QTMAN: variants seen among roughly 807,000 people sequenced by gnomAD.
The protein encoded by QTMAN is tRNA-queuosine alpha-mannosyltransferase.
At chr2:144,133,197 ATATATATT>A in the QTMAN span, among the ~76,000 whole-genome samples, 103 of 78,450 alleles carry the variant, frequency 1.3e-3, 1 homozygote, top group African/African-American at 6.0e-3. Context: ...AAATTTATAT[ATATATATT>A]TATATATACA....
At chr2:144,307,159 T>TAAAAAAAAAAAAA in the QTMAN span, among the ~76,000 whole-genome samples, 1 of 40,466 alleles carries the variant, frequency 2.5e-5, no homozygotes, top group Non-Finnish European at 4.0e-5. Flanking sequence ...GACTCCGTCT[T>TAAAAAAAAAAAAA]AAAAAAAAAA....
At chr2:144,156,758 T>C in the QTMAN span, among the ~76,000 whole-genome samples, 6 of 152,214 alleles carry the variant, frequency 3.9e-5, no homozygotes, top group South Asian at 8.3e-4. Context: ...TATTAGATTA[T>C]CTAAAATGAA....
At chr2:144,105,297 A>G in the QTMAN span, among the ~76,000 whole-genome samples, 5 of 152,220 alleles carry the variant, frequency 3.3e-5, no homozygotes, top group Non-Finnish European at 5.9e-5. Flanking sequence ...TCAGATGATC[A>G]AACTTCTCCG....
chr2:144,051,937 T>C, the QTMAN span, among the ~76,000 whole-genome samples: 1 of 152,228 alleles, frequency 6.6e-6, no homozygotes, highest in Admixed American at 6.5e-5. Flanking sequence ...TCTCTTACAT[T>C]GCTTTATTTT....
At chr2:144,057,459 T>A in the QTMAN span, among the ~76,000 whole-genome samples, 9 of 152,306 alleles carry the variant, frequency 5.9e-5, no homozygotes, top group African/African-American at 1.9e-4. Flanking sequence ...CAGTCTCTTA[T>A]GGGTACCAAT....
chr2:144,134,932 A>T, the QTMAN span, among the ~76,000 whole-genome samples: 1 of 152,130 alleles, frequency 6.6e-6, no homozygotes, highest in African/African-American at 2.4e-5. Flanking sequence ...AACTTTTTCC[A>T]TAATGGGACA....
the QTMAN span, chr2:143,939,000 G>T: frequency 6.6e-6 from 1 of 152,234 alleles, no homozygotes; most frequent in Non-Finnish European, 1.5e-5. Flanking sequence ...TTCCAGGGAA[G>T]TAGATTAGCA....
chr2:144,099,649 C>T, the QTMAN span, among the ~76,000 whole-genome samples: 1 of 152,300 alleles, frequency 6.6e-6, no homozygotes, highest in South Asian at 2.1e-4. Flanking sequence ...TCCATGTATC[C>T]TGTACCTTGA....
At chr2:144,115,163 G>A in the QTMAN span, among the ~76,000 whole-genome samples, 5 of 151,260 alleles carry the variant, frequency 3.3e-5, no homozygotes, top group South Asian at 2.1e-4. Flanking sequence ...CCCAGGAGGC[G>A]GAGGTTGCAG....
At chr2:144,172,133 T>TA in the QTMAN span, among the ~76,000 whole-genome samples, 5 of 152,036 alleles carry the variant, frequency 3.3e-5, no homozygotes, top group Non-Finnish European at 5.9e-5. Flanking sequence ...CATAGCAAAA[T>TA]AAAAATATTT....
chr2:144,075,031 T>C, the QTMAN span, among the ~76,000 whole-genome samples: 1 of 152,210 alleles, frequency 6.6e-6, no homozygotes, highest in African/African-American at 2.4e-5. Context: ...GCAATTAACT[T>C]TTGAGGAGGT....
At chr2:143,992,568 A>T in the QTMAN span, among the ~76,000 whole-genome samples, 2 of 151,982 alleles carry the variant, frequency 1.3e-5, no homozygotes, top group African/African-American at 4.8e-5. Context: ...AAATAAAATA[A>T]ATAACTTCTC....
chr2:144,011,571 C>T, the QTMAN span: 12 of 964,154 alleles, frequency 1.2e-5, no homozygotes, highest in South Asian at 4.8e-5. Flanking sequence ...CCATCCAGAA[C>T]ATTCTTAATC....
At chr2:144,299,879 C>G in the QTMAN span, among the ~76,000 whole-genome samples, 2 of 151,970 alleles carry the variant, frequency 1.3e-5, no homozygotes, top group African/African-American at 4.8e-5. Context: ...CATCAGTGGA[C>G]GAATGGAGAA....
chr2:144,019,864 A>C, the QTMAN span, among the ~76,000 whole-genome samples: 1 of 152,208 alleles, frequency 6.6e-6, no homozygotes, highest in African/African-American at 2.4e-5. Flanking sequence ...CTTTCTCTGG[A>C]AACTAACTAA....
At chr2:143,961,334 C>T in the QTMAN span, among the ~76,000 whole-genome samples, 1 of 152,092 alleles carries the variant, frequency 6.6e-6, no homozygotes, top group African/African-American at 2.4e-5. Flanking sequence ...TTATTTTGAC[C>T]ATACCACACT....
the QTMAN span, among the ~76,000 whole-genome samples, chr2:144,100,137 A>T: frequency 6.6e-6 from 1 of 152,226 alleles, no homozygotes; most frequent in Non-Finnish European, 1.5e-5. Context: ...TCATGATCAC[A>T]TAATAACTGG....
chr2:144,105,874 A>G, the QTMAN span, among the ~76,000 whole-genome samples: 1 of 152,220 alleles, frequency 6.6e-6, no homozygotes, highest in Non-Finnish European at 1.5e-5. Context: ...GTTAACCACA[A>G]AGGGAAGCCC....
the QTMAN span, among the ~76,000 whole-genome samples, chr2:144,239,477 A>C: frequency 6.6e-6 from 1 of 150,678 alleles, no homozygotes; most frequent in Non-Finnish European, 1.5e-5. Flanking sequence ...ACCAGAAGTG[A>C]TGCTGCTGAC....
Sources: gnomAD v4.1 joint callset for allele counts (sites outside exome capture counted in the v4.1 genomes callset) on GRCh38, gnomAD v4.1.1 for gene constraint, MANE v1.5 for transcripts, NCBI Gene and HGNC (gene_info 2026-07-23, HGNC 2026-07-21) for gene names.